MCPH1: variants seen among roughly 807,000 people sequenced by gnomAD.
MCPH1 encodes microcephalin.
A neutral mutation model predicts 84.5 loss-of-function variants in MCPH1; 104 were observed. That is an observed-to-expected ratio of 1.23 (90% CI 1.05 to 1.45). MCPH1 has a LOEUF of 1.45. MCPH1 is among the 40% of genes most tolerant of loss of function. The pLI, the probability that MCPH1 is intolerant of heterozygous loss-of-function variation, is 0.00. For missense variants in MCPH1, 1,498 were observed against 1,005.7 expected (o/e 1.49, Z -6.62); for synonymous variants, 514 against 366.8 (o/e 1.40, Z -4.58).
At chr8:6,439,573 T>C (rs1481902961) in intron 6 of MCPH1, among the ~76,000 whole-genome samples, 2 of 151,204 alleles carry the variant, frequency 1.3e-5, no homozygotes, top group Non-Finnish European at 1.5e-5. Context: ...TTTTTTGTAT[T>C]TTTAGTAGAG....
At chr8:6,551,859 A>G (rs1181203307) in intron 12 of MCPH1, among the ~76,000 whole-genome samples, 1 of 152,216 alleles carries the variant, frequency 6.6e-6, no homozygotes, top group African/African-American at 2.4e-5. Flanking sequence ...TTTTACACCA[A>G]CATTTCCCAT....
chr8:6,428,663 G>A (rs1801409738), intron 3 of MCPH1, among the ~76,000 whole-genome samples: 1 of 152,068 alleles, frequency 6.6e-6, no homozygotes, highest in South Asian at 2.1e-4. Context: ...ATGTTTTCAA[G>A]GTTCAGTATG....
intron 3 of MCPH1, among the ~76,000 whole-genome samples, chr8:6,429,230 T>A (rs1801490141): frequency 6.6e-6 from 1 of 152,360 alleles, no homozygotes; most frequent in African/African-American, 2.4e-5. Context: ...CTTTTTGTTT[T>A]CCCTGAGCTT....
chr8:6,411,471 T>C (rs1159479978), intron 2 of MCPH1, among the ~76,000 whole-genome samples: 2 of 152,228 alleles, frequency 1.3e-5, no homozygotes, highest in Non-Finnish European at 2.9e-5. Context: ...AATTCAGATA[T>C]GCCAGAGAAG....
At chr8:6,591,429 G>T (rs1828443526) in intron 12 of MCPH1, among the ~76,000 whole-genome samples, 1 of 152,156 alleles carries the variant, frequency 6.6e-6, no homozygotes, top group Non-Finnish European at 1.5e-5. Flanking sequence ...CTCACTGCTG[G>T]CCCGTGAAGC....
intron 12 of MCPH1, among the ~76,000 whole-genome samples, chr8:6,611,693 C>A (rs944567028): frequency 1.1e-4 from 17 of 152,136 alleles, no homozygotes; most frequent in South Asian, 6.2e-4. Flanking sequence ...ATCTCAGCTC[C>A]CTGCAAGCTC....
chr8:6,583,639 G>C (rs555216554), intron 12 of MCPH1, among the ~76,000 whole-genome samples: 76 of 152,304 alleles, frequency 5.0e-4, no homozygotes, highest in African/African-American at 1.8e-3. Flanking sequence ...AGCTGGCCTG[G>C]AGTAGTGAGG....
chr8:6,461,747 G>C (rs1341131905), intron 9 of MCPH1, among the ~76,000 whole-genome samples: 1 of 152,050 alleles, frequency 6.6e-6, no homozygotes, highest in African/African-American at 2.4e-5. Flanking sequence ...CTTTTCAGAG[G>C]GAGAAATAGA....
intron 12 of MCPH1, among the ~76,000 whole-genome samples, chr8:6,559,250 C>CACACACAG (rs1315358994): frequency 6.6e-6 from 1 of 151,872 alleles, no homozygotes; most frequent in Non-Finnish European, 1.5e-5. Flanking sequence ...CACACACACA[C>CACACACAG]ACACACACAC....
intron 13 of MCPH1, among the ~76,000 whole-genome samples, chr8:6,636,265 G>A (rs1257721364): frequency 2.6e-5 from 4 of 151,842 alleles, no homozygotes; most frequent in African/African-American, 4.8e-5. Context: ...GCTTGAGCCT[G>A]GGAGGTAGAG....
chr8:6,617,730 G>T (rs574163781), intron 12 of MCPH1, among the ~76,000 whole-genome samples: 1 of 152,074 alleles, frequency 6.6e-6, no homozygotes, highest in South Asian at 2.1e-4. Flanking sequence ...ACGCTGGAGT[G>T]AAGGGTCACA....
intron 12 of MCPH1, among the ~76,000 whole-genome samples, chr8:6,609,812 G>GCC (rs1162008291): frequency 3.9e-5 from 2 of 51,628 alleles, no homozygotes; most frequent in African/African-American, 9.2e-5. Context: ...TCAAAGCAAT[G>GCC]CCCCCCGCCC....
At chr8:6,438,517 A>G (rs886895563) in intron 5 of MCPH1, among the ~76,000 whole-genome samples, 1 of 152,174 alleles carries the variant, frequency 6.6e-6, no homozygotes, top group Admixed American at 6.5e-5. Context: ...CATGCAGTCA[A>G]GTTCATGTCT....
In MCPH1 at chr8:6,569,856, ACT is replaced by A. The variant is rs1324223556; in HGVS notation, c.2215-51595_2215-51594del. On this transcript the variant is annotated intron_variant, in intron 12 of 13. Coordinates refer to ENST00000344683, the MANE Select transcript of MCPH1 (RefSeq NM_024596.5). ...GACAGAAGCCATTTCACTGCCAGAGACTCTTAGCGGCCTTCAGTTCTCTTGAG... is the reference window on the plus strand; with the variant it reads ...GACAGAAGCCATTTCACTGCCAGAGACTTAGCGGCCTTCAGTTCTCTTGAG... Among the ~76,000 whole-genome samples the A allele has an allele frequency of 6.6e-5, 10 of 152,058 alleles. No individual in the cohort carries two copies. In the East Asian group the frequency reaches 1.9e-3, roughly 29 times the overall value.
intron 3 of MCPH1, among the ~76,000 whole-genome samples, chr8:6,415,571 T>G (rs2442543): frequency 6.6e-6 from 1 of 151,996 alleles, no homozygotes; most frequent in Admixed American, 6.6e-5. Context: ...CCAGGCTGGT[T>G]TCAAACTTCT....
At chr8:6,569,289 C>A (rs533402156) in intron 12 of MCPH1, among the ~76,000 whole-genome samples, 21 of 152,286 alleles carry the variant, frequency 1.4e-4, no homozygotes, top group African/African-American at 5.1e-4. Context: ...ATAGTGATTC[C>A]TTTATATGCC....
intron 9 of MCPH1, among the ~76,000 whole-genome samples, chr8:6,455,629 TG>T (rs1300934853): frequency 6.6e-6 from 1 of 152,204 alleles, no homozygotes; most frequent in Non-Finnish European, 1.5e-5. Flanking sequence ...AACCAAGTCT[TG>T]ACCTCAAGCC....
intron 9 of MCPH1, chr8:6,473,829 C>G (rs759198379): frequency 3.0e-6 from 4 of 1,347,166 alleles, no homozygotes; most frequent in Non-Finnish European, 4.0e-6. Context: ...TGTAAAGTAG[C>G]TAGCCTTATA....
intron 4 of MCPH1, 50 bp from the exon 5 acceptor site, chr8:6,435,998 G>T: frequency 1.2e-6 from 2 of 1,605,410 alleles, no homozygotes; most frequent in East Asian, 2.2e-5. Context: ...TTTTTCTCCT[G>T]CCTTAAGCAG....
Sources: allele counts gnomAD v4.1 joint callset (sites outside exome capture counted in the v4.1 genomes callset), GRCh38; gene constraint gnomAD v4.1.1; transcripts MANE v1.5; gene names NCBI Gene and HGNC (gene_info 2026-07-23, HGNC 2026-07-21).